DPP10: variants seen among roughly 807,000 people sequenced by gnomAD.
The protein encoded by DPP10 is inactive dipeptidyl peptidase 10.
DPP10 carries 33 observed loss-of-function variants against 120.9 expected under a neutral mutation model. The ratio of observed to expected loss-of-function variants is 0.27; its 90% CI spans 0.21 to 0.37. The LOEUF (loss-of-function observed/expected upper bound fraction) is 0.37. Among genes scored for constraint, DPP10 ranks in the 10% least tolerant of loss-of-function variants. The pLI is 1.00. For synonymous variants in DPP10, 337 were observed against 326.1 expected (o/e 1.03, Z -0.36); for missense variants, 816 against 942.8 (o/e 0.87, Z 1.76).
intron 1 of DPP10, among the ~76,000 whole-genome samples, chr2:115,209,147 C>A (rs1389206399): frequency 6.6e-6 from 1 of 151,990 alleles, no homozygotes; most frequent in Non-Finnish European, 1.5e-5. Flanking sequence ...GACTTGAACA[C>A]CTTTCCTCAG....
chr2:115,195,556 C>T (rs886347673), intron 1 of DPP10, among the ~76,000 whole-genome samples: 9 of 152,160 alleles, frequency 5.9e-5, no homozygotes, highest in African/African-American at 1.7e-4. Context: ...TGTTCTAACA[C>T]GGTGAATACT....
intron 1 of DPP10, among the ~76,000 whole-genome samples, chr2:114,955,618 C>T (rs988149860): frequency 3.3e-5 from 5 of 152,168 alleles, no homozygotes; most frequent in Non-Finnish European, 7.4e-5. Context: ...AGCCTCCTAT[C>T]GAAACTAAAT....
intron 1 of DPP10, among the ~76,000 whole-genome samples, chr2:114,732,147 A>G (rs140410735): frequency 1.3e-5 from 2 of 152,320 alleles, no homozygotes; most frequent in East Asian, 3.9e-4. Flanking sequence ...ACATAAAATT[A>G]CAAGTATTCC....
At chr2:115,332,114 T>C (rs1027439141) in intron 2 of DPP10, among the ~76,000 whole-genome samples, 11 of 152,148 alleles carry the variant, frequency 7.2e-5, no homozygotes, top group African/African-American at 2.2e-4. Context: ...CTCTTATTGG[T>C]CTATTCAGAG....
intron 1 of DPP10, among the ~76,000 whole-genome samples, chr2:115,092,603 G>T (rs1000242361): frequency 6.6e-6 from 1 of 152,012 alleles, no homozygotes; most frequent in African/African-American, 2.4e-5. Flanking sequence ...TATGAAAAGA[G>T]GGGACAAGAT....
rs568374594 is a variant in DPP10 at position 114,896,209 on chromosome 2, C to T, written c.61-413030C>T. On this transcript the variant is annotated intron_variant, in intron 1 of 25. Transcript: ENST00000410059. ...TTCTTTTGGCTTAGGATTGACTTGG[C>T]GATGCGGGCTCTTTTTTGGTTCCAT... Among the ~76,000 whole-genome samples the T allele has an allele frequency of 1.1e-4, 17 of 152,164 alleles. No homozygotes were observed. In the East Asian group the frequency reaches 2.1e-3, roughly 19 times the overall value.
chr2:115,091,541 C>A (rs76518222), intron 1 of DPP10, among the ~76,000 whole-genome samples: 8,521 of 152,138 alleles, frequency 0.056, 306 homozygotes, highest in East Asian at 0.15. Context: ...CCCCCCTCAA[C>A]CCCAACATGT....
At chr2:114,678,455 C>T (rs1244737098) in intron 1 of DPP10, among the ~76,000 whole-genome samples, 2 of 152,002 alleles carry the variant, frequency 1.3e-5, no homozygotes, top group African/African-American at 4.8e-5. Context: ...CTAATCCTGC[C>T]TTCCCTTGCC....
intron 1 of DPP10, among the ~76,000 whole-genome samples, chr2:115,108,850 G>A (rs572070850): frequency 6.6e-6 from 1 of 152,242 alleles, no homozygotes; most frequent in East Asian, 1.9e-4. Flanking sequence ...TGGGTTCATG[G>A]TTGAGAAACA....
chr2:115,723,780 C>A (rs2149621569), intron 7 of DPP10, among the ~76,000 whole-genome samples: 1 of 152,206 alleles, frequency 6.6e-6, no homozygotes, highest in Non-Finnish European at 1.5e-5. Flanking sequence ...TGCATCCCTG[C>A]CACCAATAGG....
intron 1 of DPP10, among the ~76,000 whole-genome samples, chr2:115,124,516 A>G (rs1205895898): frequency 6.6e-6 from 1 of 152,144 alleles, no homozygotes; most frequent in East Asian, 1.9e-4. Context: ...AATCCCAGTT[A>G]TCTTCCCTTC....
rs544064681 is a variant in DPP10 at position 115,577,177 on chromosome 2, C to T, written c.441+51205C>T. On this transcript the variant is annotated intron_variant, in intron 5 of 25. Transcript: ENST00000410059. ...ATTGTCCCTGAAAGTACTCCAGCTG[C>T]TCACTGACTCCCAGGCCTAAGGATA... is the stretch of plus-strand genomic sequence containing the variant. Among the ~76,000 whole-genome samples the T allele has an allele frequency of 1.3e-4, 20 of 152,334 alleles. No individual in the cohort carries two copies. In the South Asian group the frequency reaches 3.9e-3, roughly 30 times the overall value.
chr2:115,421,063 T>C (rs1298619453), intron 3 of DPP10, among the ~76,000 whole-genome samples: 1 of 152,092 alleles, frequency 6.6e-6, no homozygotes, highest in Non-Finnish European at 1.5e-5. Context: ...GCAACCTTTC[T>C]ACCCTGTAGT....
chr2:114,711,702 G>A (rs1701041197), intron 1 of DPP10, among the ~76,000 whole-genome samples: 1 of 151,152 alleles, frequency 6.6e-6, no homozygotes, highest in Non-Finnish European at 1.5e-5. Flanking sequence ...TTTTTTTTTT[G>A]TGATAGTTCC....
chr2:115,526,114 C>T, intron 5 of DPP10, 142 bp downstream of exon 5: 1 of 567,840 alleles, frequency 1.8e-6, no homozygotes, highest in Non-Finnish European at 3.0e-6. Flanking sequence ...CTACTTTGCA[C>T]AAAAGATGTT....
At chr2:115,317,985 T>C (rs2061878340) in intron 2 of DPP10, among the ~76,000 whole-genome samples, 1 of 152,170 alleles carries the variant, frequency 6.6e-6, no homozygotes, top group South Asian at 2.1e-4. Flanking sequence ...TCATTGCTTG[T>C]GCTTCTGATG....
chr2:115,578,970 C>A (rs2081854027), intron 5 of DPP10: 1 of 152,206 alleles, frequency 6.6e-6, no homozygotes, highest in Admixed American at 6.5e-5. Context: ...ATCAAGCCCG[C>A]TTCCTCACCC....
chr2:115,667,935 T>A (rs4638807), intron 5 of DPP10, among the ~76,000 whole-genome samples: 11,791 of 152,156 alleles, frequency 0.077, 638 homozygotes, highest in Non-Finnish European at 0.11. Context: ...ATCTATATAT[T>A]AAATTTCACA....
intron 13 of DPP10, among the ~76,000 whole-genome samples, chr2:115,776,002 A>G (rs1031039726): frequency 2.0e-5 from 3 of 152,182 alleles, no homozygotes; most frequent in Non-Finnish European, 4.4e-5. Flanking sequence ...CTTTAAGGTG[A>G]TGAAGGCACT....
Sources: gnomAD v4.1 joint callset for allele counts (sites outside exome capture counted in the v4.1 genomes callset) on GRCh38, gnomAD v4.1.1 for gene constraint, MANE v1.5 for transcripts, NCBI Gene and HGNC (gene_info 2026-07-23, HGNC 2026-07-21) for gene names.